TTC8: variants seen among roughly 807,000 people sequenced by gnomAD.
TTC8 encodes tetratricopeptide repeat protein 8.
A neutral mutation model predicts 72.5 loss-of-function variants in TTC8; 47 were observed. The observed-to-expected ratio is 0.65, with a 90% CI of 0.51 to 0.83. The LOEUF is 0.83. Among genes scored for constraint, TTC8 ranks in the 40% least tolerant of loss-of-function variants. The probability of loss-of-function intolerance (pLI) is 0.00; values close to 1 mark genes in which losing one functional copy is unlikely to be tolerated. For synonymous variants in TTC8, 199 were observed against 221.4 expected, an observed-to-expected ratio of 0.90 and a Z score of 0.90; for missense variants, 611 against 623.2, an observed-to-expected ratio of 0.98 and a Z score of 0.21.
intron 1 of TTC8, among the ~76,000 whole-genome samples, chr14:88,826,045 C>T (rs1176867941): frequency 1.3e-5 from 2 of 151,582 alleles, no homozygotes; most frequent in Admixed American, 6.6e-5. Flanking sequence ...TGCAGTGGCA[C>T]GGCGCGATCT....
At chr14:88,846,618 T>A in intron 7 of TTC8, 5 of 1,459,430 alleles carry the variant, frequency 3.4e-6, no homozygotes, top group Non-Finnish European at 4.6e-6. Flanking sequence ...AAGATGTAGT[T>A]CTACATCTTG....
chr14:88,875,775 G>A (rs1222085263), intron 14 of TTC8, among the ~76,000 whole-genome samples: 2 of 151,602 alleles, frequency 1.3e-5, no homozygotes, highest in African/African-American at 4.9e-5. Context: ...GCATAAATAT[G>A]AAGTCATCTA....
At chr14:88,876,926 G>A (rs1393139513) in intron 14 of TTC8, among the ~76,000 whole-genome samples, 1 of 152,080 alleles carries the variant, frequency 6.6e-6, no homozygotes, top group Non-Finnish European at 1.5e-5. Context: ...AGAGCTGGCT[G>A]TTTCAGCATG....
In TTC8 at chr14:88,825,413, A is replaced by C. The variant is rs1159757245; in HGVS notation, c.114+592A>C. ...TTTAAAAAATTACCTAGGCAAGGGA[A>C]GCTCTAATTGTAGGAGGGAGAAATG... On this transcript the variant is annotated intron_variant, in intron 1 of 14. Transcript: ENST00000380656. 3.9e-5 allele frequency among the ~76,000 whole-genome samples: 6 copies of C among 152,214 alleles called. No individual in the cohort carries two copies. In the East Asian group the frequency reaches 1.2e-3, roughly 29 times the overall value.
intron 10 of TTC8, among the ~76,000 whole-genome samples, chr14:88,867,556 G>C (rs2094916534): frequency 6.6e-6 from 1 of 152,098 alleles, no homozygotes; most frequent in Admixed American, 6.5e-5. Flanking sequence ...CTACAATTTG[G>C]GGATGGGGCA....
chr14:88,843,761 T>TAAA, intron 6 of TTC8, 45 bp from the exon 7 acceptor site: 1 of 1,233,270 alleles, frequency 8.1e-7, no homozygotes, highest in Non-Finnish European at 1.1e-6. Flanking sequence ...AACAGCAAAT[T>TAAA]AAAAAAAAAA....
chr14:88,866,410 C>CAT (rs1184909916), intron 10 of TTC8, among the ~76,000 whole-genome samples: 2 of 151,526 alleles, frequency 1.3e-5, no homozygotes, highest in Non-Finnish European at 2.9e-5. Context: ...CACACACACA[C>CAT]ACACGCACAC....
chr14:88,879,910 C>A (rs1230848629), downstream of TTC8: 1 of 152,148 alleles, frequency 6.6e-6, no homozygotes, highest in Non-Finnish European at 1.5e-5. Context: ...CTCCTGGCCT[C>A]AAGTGGTCCA....
intron 1 of TTC8, among the ~76,000 whole-genome samples, chr14:88,829,375 T>C (rs1387111049): frequency 8.5e-5 from 13 of 152,234 alleles, no homozygotes; most frequent in Non-Finnish European, 1.9e-4. Context: ...CTAGAGAGAA[T>C]GTTTGCTTCT....
chr14:88,879,574 T>C (rs1209888906), downstream of TTC8: 1 of 151,964 alleles, frequency 6.6e-6, no homozygotes, highest in Non-Finnish European at 1.5e-5. Flanking sequence ...GAGTGCTTTT[T>C]CCCAGGCTCA....
intron 9 of TTC8, among the ~76,000 whole-genome samples, chr14:88,860,927 C>T (rs2094882979): frequency 6.6e-6 from 1 of 151,886 alleles, no homozygotes; most frequent in Non-Finnish European, 1.5e-5. Flanking sequence ...TCTCAGCCTC[C>T]CAAGTAGCTG....
rs550041498 is a variant in TTC8, at chr14:88,871,181, A to G, written c.1050-368A>G. ...AGGTTAATGCTAAACGCAGTCCTCA[A>G]ATTAGATTAGGTTTTAGGAATTTAC... On this transcript the variant is annotated intron_variant, in intron 11 of 14. Coordinates refer to ENST00000380656, the MANE Select transcript of TTC8 (RefSeq NM_144596.4). This position sits in a 1 kb window ranked among gnomAD's most constrained non-coding sequence, Gnocchi z 4.1. 6.6e-6 allele frequency among the ~76,000 whole-genome samples: 1 copy of G among 152,348 alleles called. No individual in the cohort carries two copies. Among genetic ancestry groups the G allele is most frequent in the African/African-American group, 2.4e-5 (1 of 41,584 alleles).
chr14:88,830,820 TA>T (rs1395755523), intron 1 of TTC8: 2 of 455,844 alleles, frequency 4.4e-6, no homozygotes, highest in Admixed American at 2.4e-5. Context: ...CAGTGATTTT[TA>T]AAAAAGAGTT....
chr14:88,873,954 T>A (rs1228117392), intron 13 of TTC8, among the ~76,000 whole-genome samples: 1 of 152,146 alleles, frequency 6.6e-6, no homozygotes, highest in East Asian at 1.9e-4. Flanking sequence ...GAAAGAAAGG[T>A]CATTGGATGT....
At chr14:88,849,586 A>G (rs1040208569) in intron 7 of TTC8, among the ~76,000 whole-genome samples, 21 of 152,128 alleles carry the variant, frequency 1.4e-4, no homozygotes, top group Admixed American at 6.6e-4. Context: ...TATAAAATTG[A>G]TTGTCCATGG....
intron 8 of TTC8, among the ~76,000 whole-genome samples, chr14:88,855,679 C>T (rs1464869448): frequency 6.6e-6 from 1 of 151,814 alleles, no homozygotes; most frequent in Admixed American, 6.6e-5. Context: ...ATTGTAATCC[C>T]TTTTAAATCA....
At chr14:88,874,997 G>GTT in intron 13 of TTC8, 29 bp from the exon 14 acceptor site, 3 of 1,584,194 alleles carry the variant, frequency 1.9e-6, no homozygotes, top group Non-Finnish European at 2.6e-6. Flanking sequence ...TACGCCTTTG[G>GTT]TTTTTCTTTT....
At chr14:88,861,018 G>A (rs1283297341) in intron 9 of TTC8, among the ~76,000 whole-genome samples, 1 of 151,900 alleles carries the variant, frequency 6.6e-6, no homozygotes, top group Non-Finnish European at 1.5e-5. Flanking sequence ...TGCCCAGGCT[G>A]GTCTCGAACT....
intron 2 of TTC8, among the ~76,000 whole-genome samples, chr14:88,834,290 A>G (rs1017403108): frequency 3.3e-5 from 5 of 152,170 alleles, no homozygotes; most frequent in Non-Finnish European, 7.4e-5. Flanking sequence ...ACACAAGAGA[A>G]TGAATTGGGA....
Sources: allele counts gnomAD v4.1 joint callset (sites outside exome capture counted in the v4.1 genomes callset), GRCh38; gene constraint gnomAD v4.1.1; non-coding constraint Gnocchi (gnomAD v3.1); transcripts MANE v1.5; gene names NCBI Gene and HGNC (gene_info 2026-07-23, HGNC 2026-07-21).